The following MLLT10 variants were observed in gnomAD, a reference collection of about 807,000 sequenced individuals.
MLLT10 encodes protein AF-10.
In MLLT10, 30 loss-of-function variants were observed where a neutral mutation model predicts 129.1. The observed-to-expected ratio is 0.23, with a 90% CI of 0.17 to 0.32. The LOEUF (loss-of-function observed/expected upper bound fraction) is 0.32, where lower values mean the gene tolerates loss of function less well. Ranked by LOEUF, MLLT10 falls within the 10% of genes least tolerant of loss-of-function variation. The probability of loss-of-function intolerance (pLI) is 1.00; values close to 1 mark genes in which losing one functional copy is unlikely to be tolerated. For synonymous variants in MLLT10, 490 were observed against 446.4 expected, an observed-to-expected ratio of 1.10 and a Z score of -1.23; for missense variants, 1,119 against 1,268.3, an observed-to-expected ratio of 0.88 and a Z score of 1.79.
At chr10:21,647,424 G>C (rs1007061983) in intron 8 of MLLT10, among the ~76,000 whole-genome samples, 2 of 152,166 alleles carry the variant, frequency 1.3e-5, no homozygotes, top group Non-Finnish European at 2.9e-5. Flanking sequence ...GGGAGGCTAA[G>C]GCAGAAGGAT....
chr10:21,711,493 T>C (rs1456379558), intron 13 of MLLT10, among the ~76,000 whole-genome samples: 1 of 146,330 alleles, frequency 6.8e-6, no homozygotes, highest in East Asian at 2.1e-4. Flanking sequence ...GAGGTTGAGG[T>C]GGGAGGACCA....
intron 9 of MLLT10, among the ~76,000 whole-genome samples, chr10:21,661,087 G>A (rs2050152934): frequency 6.6e-6 from 1 of 151,908 alleles, no homozygotes; most frequent in Admixed American, 6.6e-5. Context: ...ATCTCCATGT[G>A]TTTTTGGATT....
intron 9 of MLLT10, among the ~76,000 whole-genome samples, chr10:21,657,978 T>A (rs1328176689): frequency 1.3e-5 from 2 of 152,188 alleles, no homozygotes; most frequent in Non-Finnish European, 2.9e-5. Flanking sequence ...ATCTTTTTTA[T>A]TGTCACTTTA....
intron 3 of MLLT10, among the ~76,000 whole-genome samples, chr10:21,545,158 G>T (rs1246754939): frequency 6.6e-6 from 1 of 151,594 alleles, no homozygotes; most frequent in African/African-American, 2.4e-5. Context: ...AAAAAAAAAA[G>T]ATTTTTGTAT....
chr10:21,650,866 C>G (rs2048953271), intron 8 of MLLT10, among the ~76,000 whole-genome samples: 1 of 152,232 alleles, frequency 6.6e-6, no homozygotes, highest in Middle Eastern at 3.4e-3. Context: ...ACTAATTCAT[C>G]TATTTTTTTG....
intron 3 of MLLT10, among the ~76,000 whole-genome samples, chr10:21,550,868 C>G (rs1251646257): frequency 6.6e-6 from 1 of 151,796 alleles, no homozygotes; most frequent in Non-Finnish European, 1.5e-5. Flanking sequence ...TTTCTGCCAC[C>G]TGGAGAGTTA....
At chr10:21,605,628 A>T (rs2043986360) in intron 5 of MLLT10, among the ~76,000 whole-genome samples, 4 of 151,818 alleles carry the variant, frequency 2.6e-5, no homozygotes, top group Admixed American at 2.0e-4. Flanking sequence ...GTTTATAGTG[A>T]CTGGGTATGT....
At chr10:21,652,559 G>A (rs1162702106) in intron 9 of MLLT10, among the ~76,000 whole-genome samples, 5 of 152,198 alleles carry the variant, frequency 3.3e-5, no homozygotes, top group Admixed American at 3.3e-4. Flanking sequence ...TGGTTAATAT[G>A]AAAACAGAGG....
At chr10:21,642,512 C>T (rs1283418661) in intron 8 of MLLT10, among the ~76,000 whole-genome samples, 1 of 151,942 alleles carries the variant, frequency 6.6e-6, no homozygotes, top group Non-Finnish European at 1.5e-5. Flanking sequence ...CAAAAATTAG[C>T]TGGGTGTGGT....
chr10:21,631,313 CAAAAAAAA>C (rs991306894), intron 8 of MLLT10, among the ~76,000 whole-genome samples: 1 of 47,776 alleles, frequency 2.1e-5, no homozygotes, highest in African/African-American at 6.8e-5. Context: ...GACTCCGTCT[CAAAAAAAA>C]AAAAAAAAAA....
intron 14 of MLLT10, among the ~76,000 whole-genome samples, chr10:21,718,218 C>G (rs1032774241): frequency 4.0e-5 from 6 of 151,862 alleles, no homozygotes; most frequent in African/African-American, 1.5e-4. Flanking sequence ...AGAGTAATGG[C>G]TCTTTCACAA....
intron 8 of MLLT10, among the ~76,000 whole-genome samples, chr10:21,638,766 T>C (rs956105051): frequency 2.6e-5 from 4 of 152,154 alleles, no homozygotes; most frequent in African/African-American, 7.2e-5. Context: ...TCCCCATCTC[T>C]AATTATTTTT....
intron 3 of MLLT10, among the ~76,000 whole-genome samples, chr10:21,547,308 G>A (rs1021682202): frequency 6.6e-5 from 10 of 151,826 alleles, no homozygotes; most frequent in Non-Finnish European, 1.5e-5. Flanking sequence ...TACTCCGTTT[G>A]AACAAAACAA....
chr10:21,551,592 G>C (rs2037042375), intron 3 of MLLT10, among the ~76,000 whole-genome samples: 1 of 151,700 alleles, frequency 6.6e-6, no homozygotes, highest in Non-Finnish European at 1.5e-5. Context: ...CTTTTAATGT[G>C]AGAAAAGGCT....
intron 3 of MLLT10, among the ~76,000 whole-genome samples, chr10:21,554,194 T>TA (rs1008629632): frequency 1.3e-5 from 2 of 152,092 alleles, no homozygotes; most frequent in Non-Finnish European, 2.9e-5. Context: ...TTTCTGTATT[T>TA]AAAAAAAATT....
chr10:21,687,203 G>A (rs2053393716), intron 13 of MLLT10, among the ~76,000 whole-genome samples: 1 of 152,158 alleles, frequency 6.6e-6, no homozygotes, highest in African/African-American at 2.4e-5. Flanking sequence ...ATGAGTATAC[G>A]TATAAATGCC....
chr10:21,622,898 G>T (rs2046038875), intron 8 of MLLT10, among the ~76,000 whole-genome samples: 1 of 152,184 alleles, frequency 6.6e-6, no homozygotes, highest in Non-Finnish European at 1.5e-5. Context: ...TCACCAACTG[G>T]TTATAAATTG....
intron 8 of MLLT10, among the ~76,000 whole-genome samples, chr10:21,623,206 C>T (rs1436481668): frequency 6.6e-6 from 1 of 152,152 alleles, no homozygotes; most frequent in Non-Finnish European, 1.5e-5. Flanking sequence ...AATCGTTGGT[C>T]ATTGGTGATT....
chr10:21,738,216 G>A (rs139905884), intron 21 of MLLT10, among the ~76,000 whole-genome samples: 207 of 151,914 alleles, frequency 1.4e-3, no homozygotes, highest in African/African-American at 4.6e-3. Flanking sequence ...GCAGTGAGCC[G>A]AGAGCACACC....
Sources: gnomAD v4.1 joint callset for allele counts (sites outside exome capture counted in the v4.1 genomes callset) on GRCh38, gnomAD v4.1.1 for gene constraint, MANE v1.5 for transcripts, NCBI Gene and HGNC (gene_info 2026-07-23, HGNC 2026-07-21) for gene names.